Variants in KIAA0825 observed in about 807,000 individuals in gnomAD.
KIAA0825 encodes KIAA0825, also known as uncharacterized protein KIAA0825.
Under a neutral mutation model 147.6 loss-of-function variants are expected in KIAA0825, and 119 were observed. The ratio of observed to expected loss-of-function variants is 0.81; its 90% CI spans 0.69 to 0.94. KIAA0825 has a LOEUF of 0.94. KIAA0825 is among the 40% of genes least tolerant of loss of function. The pLI is 0.00. For synonymous variants in KIAA0825, 470 were observed against 518.1 expected (o/e 0.91, Z 1.26); for missense variants, 1,381 against 1,472.7 (o/e 0.94, Z 1.02).
rs144330411 is a variant in KIAA0825 at position 94,603,779 on chromosome 5, G to C, written c.-153+14721C>G. ...GAAAAAAGCAGGTGTTGCAATCCTA[G>C]TTTCTGACAAAAGAGACTTCAAACG... On this transcript the variant is annotated intron_variant, in intron 1 of 20. Transcript: ENST00000682413. Among the ~76,000 whole-genome samples the C allele has an allele frequency of 8.6e-4, 131 of 152,288 alleles. 2 individuals carry two copies. Among genetic ancestry groups the C allele is most frequent in the African/African-American group, 3.1e-3 (129 of 41,558 alleles).
At chr5:94,599,449 AC>A (rs1485064544) in intron 1 of KIAA0825, among the ~76,000 whole-genome samples, 2 of 151,452 alleles carry the variant, frequency 1.3e-5, no homozygotes, top group Admixed American at 6.6e-5. Context: ...TTGCTGAGAC[AC>A]TAAATATCAA....
At chr5:94,603,701 C>T (rs1786943041) in intron 1 of KIAA0825, among the ~76,000 whole-genome samples, 1 of 152,118 alleles carries the variant, frequency 6.6e-6, no homozygotes, top group Non-Finnish European at 1.5e-5. Context: ...CGATGACACA[C>T]ATAGGGTCAA....
At chr5:94,318,751 A>T (rs1257212757) in intron 20 of KIAA0825, among the ~76,000 whole-genome samples, 1 of 151,966 alleles carries the variant, frequency 6.6e-6, no homozygotes, top group Non-Finnish European at 1.5e-5. Context: ...ATTATTAGCC[A>T]ACATAACGTT....
At chr5:94,154,642 C>CT in intron 20 of KIAA0825, among the ~76,000 whole-genome samples, 1 of 152,062 alleles carries the variant, frequency 6.6e-6, no homozygotes. Context: ...AGTTCAACCA[C>CT]TCTAGAAAAG....
intron 20 of KIAA0825, among the ~76,000 whole-genome samples, chr5:94,192,256 C>G (rs1770738275): frequency 6.6e-6 from 1 of 152,170 alleles, no homozygotes; most frequent in African/African-American, 2.4e-5. Context: ...TTTTTTCTAT[C>G]ACATCACACA....
At chr5:94,244,305 G>A (rs1775496356) in intron 20 of KIAA0825, among the ~76,000 whole-genome samples, 2 of 152,114 alleles carry the variant, frequency 1.3e-5, no homozygotes, top group African/African-American at 2.4e-5. Context: ...TCATGGACTT[G>A]GAAGCATTCA....
Position 94,520,575 on chromosome 5 carries a change from T to G in KIAA0825, c.643A>C (p.Ile215Leu), listed in dbSNP as rs768664005. 4 of 1,613,330 alleles carry G rather than the reference T, an allele frequency of 2.5e-6. No individual in the cohort carries two copies. Among genetic ancestry groups the G allele is most frequent in the Non-Finnish European group, 3.4e-6 (4 of 1,179,528 alleles). Reference sequence around the variant, plus strand: ...AGATTAGCCAACAGTTTATTCTGTATGTTTTGGTATTTGATTATAACTTCT... The same window carrying G: ...AGATTAGCCAACAGTTTATTCTGTAGGTTTTGGTATTTGATTATAACTTCT... ...ESEVIIKYQN[I>L]QNKLLANLLW... Residue 215 changes from isoleucine to leucine, a missense_variant, in exon 5 of 21, where the codon ATA (isoleucine) becomes CTA (leucine). Ile to Leu is a conservative substitution (Grantham distance 5, BLOSUM62 2). Transcript: ENST00000682413.
chr5:94,285,610 T>C (rs1777636243), intron 20 of KIAA0825, among the ~76,000 whole-genome samples: 1 of 152,192 alleles, frequency 6.6e-6, no homozygotes, highest in Admixed American at 6.6e-5. Flanking sequence ...AGGTTGTCAG[T>C]GATGCAGGGA....
At chr5:94,297,591 T>C (rs982208737) in intron 20 of KIAA0825, among the ~76,000 whole-genome samples, 2 of 151,810 alleles carry the variant, frequency 1.3e-5, no homozygotes, top group Non-Finnish European at 2.9e-5. Context: ...ATCACCATTA[T>C]TGTTATTATT....
intron 20 of KIAA0825, among the ~76,000 whole-genome samples, chr5:94,191,524 T>C (rs1770678717): frequency 6.6e-6 from 1 of 152,194 alleles, no homozygotes; most frequent in African/African-American, 2.4e-5. Flanking sequence ...CAAAAGACTT[T>C]TAGGATTCAT....
At chr5:94,563,738 G>A (rs1778023681) in intron 2 of KIAA0825, among the ~76,000 whole-genome samples, 1 of 152,142 alleles carries the variant, frequency 6.6e-6, no homozygotes, top group African/African-American at 2.4e-5. Context: ...AGGATGGGGT[G>A]CAATGGTGCA....
At chr5:94,364,078 C>A (rs1350309021) in intron 20 of KIAA0825, among the ~76,000 whole-genome samples, 2 of 151,886 alleles carry the variant, frequency 1.3e-5, no homozygotes, top group African/African-American at 4.8e-5. Flanking sequence ...TCCTTGCTCT[C>A]CAGGAGCTAT....
intron 1 of KIAA0825, among the ~76,000 whole-genome samples, chr5:94,591,398 T>C (rs933684777): frequency 1.3e-5 from 2 of 152,166 alleles, no homozygotes; most frequent in Non-Finnish European, 2.9e-5. Context: ...GATCTGACTG[T>C]GGGTAAAGGG....
chr5:94,301,341 T>A (rs1462725842), intron 20 of KIAA0825, among the ~76,000 whole-genome samples: 1 of 151,730 alleles, frequency 6.6e-6, no homozygotes, highest in Admixed American at 6.6e-5. Context: ...AGTTGGAAAG[T>A]AATGAGTGTG....
At chr5:94,187,583 C>T (rs1423926722) in intron 20 of KIAA0825, among the ~76,000 whole-genome samples, 2 of 151,752 alleles carry the variant, frequency 1.3e-5, no homozygotes, top group South Asian at 2.1e-4. Context: ...CCCGCCACCA[C>T]GTCTGGCTAA....
At chr5:94,568,024 C>A (rs960744079) in intron 2 of KIAA0825, 5 of 163,474 alleles carry the variant, frequency 3.1e-5, no homozygotes, top group Non-Finnish European at 5.3e-5. Context: ...AAAATGACAT[C>A]AAAAAAATCG....
chr5:94,221,522 A>G (rs1488137192), intron 20 of KIAA0825, among the ~76,000 whole-genome samples: 1 of 152,170 alleles, frequency 6.6e-6, no homozygotes, highest in Non-Finnish European at 1.5e-5. Flanking sequence ...GAGTCCTCAC[A>G]GGAACCTGCT....
At chr5:94,219,942 A>G (rs1267317663) in intron 20 of KIAA0825, among the ~76,000 whole-genome samples, 2 of 151,978 alleles carry the variant, frequency 1.3e-5, no homozygotes, top group Non-Finnish European at 2.9e-5. Flanking sequence ...TATAAAAACT[A>G]TTTTTTCTTC....
intron 20 of KIAA0825, among the ~76,000 whole-genome samples, chr5:94,353,774 A>C (rs1434711045): frequency 6.6e-6 from 1 of 152,138 alleles, no homozygotes; most frequent in Non-Finnish European, 1.5e-5. Flanking sequence ...TTATGCACTG[A>C]TGTACAGCAA....
Sources: gnomAD v4.1 joint callset for allele counts (sites outside exome capture counted in the v4.1 genomes callset) on GRCh38, gnomAD v4.1.1 for gene constraint, MANE v1.5 for transcripts, NCBI Gene and HGNC (gene_info 2026-07-23, HGNC 2026-07-21) for gene names.